The following LRIG1 variants were observed in gnomAD, a reference collection of about 807,000 sequenced individuals.
The protein encoded by LRIG1 is leucine rich repeats and immunoglobulin like domains 1.
In LRIG1, 48 loss-of-function variants were observed where a neutral mutation model predicts 99.2. That is an observed-to-expected ratio of 0.48 (90% CI 0.38 to 0.62). LRIG1 has a LOEUF of 0.62. LRIG1 is among the 20% of genes least tolerant of loss of function. The pLI is 0.00. For synonymous variants in LRIG1, 772 were observed against 596.1 expected, an observed-to-expected ratio of 1.29 and a Z score of -4.30; for missense variants, 1,646 against 1,434.4, an observed-to-expected ratio of 1.15 and a Z score of -2.38.
chr3:66,450,345 G>A (rs1013265255), intron 3 of LRIG1, among the ~76,000 whole-genome samples: 2 of 152,068 alleles, frequency 1.3e-5, no homozygotes, highest in East Asian at 1.9e-4. Context: ...AGAATGCTGG[G>A]AGCTTCATAT....
chr3:66,493,086 C>T (rs941216202), intron 1 of LRIG1, among the ~76,000 whole-genome samples: 1 of 152,184 alleles, frequency 6.6e-6, no homozygotes, highest in Admixed American at 6.5e-5. Context: ...TCCCTCCTCC[C>T]TCCTCCCTCA....
At chr3:66,406,737 C>T (rs565810662) in intron 8 of LRIG1, among the ~76,000 whole-genome samples, 87 of 152,102 alleles carry the variant, frequency 5.7e-4, no homozygotes, top group Admixed American at 1.1e-3. Flanking sequence ...TTTTGCCAAC[C>T]CCATCTAATT....
intron 1 of LRIG1, among the ~76,000 whole-genome samples, chr3:66,489,125 T>C (rs544719654): frequency 6.6e-6 from 1 of 152,322 alleles, no homozygotes; most frequent in African/African-American, 2.4e-5. Context: ...TCCTCCTCAA[T>C]AATATCTCAA....
intron 6 of LRIG1, among the ~76,000 whole-genome samples, chr3:66,411,083 G>A (rs963391118): frequency 6.6e-6 from 1 of 152,190 alleles, no homozygotes; most frequent in African/African-American, 2.4e-5. Context: ...AAGGAAACAA[G>A]GGTACATCAG....
chr3:66,480,000 C>G (rs576974976), intron 1 of LRIG1, among the ~76,000 whole-genome samples: 1 of 152,198 alleles, frequency 6.6e-6, no homozygotes, highest in South Asian at 2.1e-4. Flanking sequence ...ACCACAAAAA[C>G]TTACGCACAA....
chr3:66,429,894 A>G (rs1703107032), intron 3 of LRIG1, among the ~76,000 whole-genome samples: 1 of 151,568 alleles, frequency 6.6e-6, no homozygotes, highest in Non-Finnish European at 1.5e-5. Flanking sequence ...AACTGCTATA[A>G]AAGTCCATTA....
intron 9 of LRIG1, chr3:66,401,580 C>G (rs1002217519): frequency 3.5e-6 from 5 of 1,437,178 alleles, no homozygotes; most frequent in Admixed American, 5.2e-5. Context: ...GGCTAATCAT[C>G]TTGTTGGTAG....
In LRIG1 at chr3:66,382,335, C is replaced by T. The variant is rs148076317; in HGVS notation, c.2555G>A (p.Arg852Gln). ...YLSSQGTLSD[R>Q]QETVVRTEGG... is the part of the protein sequence containing the mutation. ...CTCGGTCCTGACCACGGTTTCTTGTCGGTCAGAAAGGGTCCCCTGAGAAGA... is the reference window on the plus strand; with the variant it reads ...CTCGGTCCTGACCACGGTTTCTTGTTGGTCAGAAAGGGTCCCCTGAGAAGA... Residue 852 changes from arginine (R) to glutamine (Q), a missense_variant, in exon 16 of 19, where the codon CGA becomes CAA. Arg to Gln is a conservative substitution (Grantham distance 43). Transcript: ENST00000273261. The T allele has an allele frequency of 4.9e-4, 791 of 1,614,172 alleles. No individual in the cohort carries two copies. Among genetic ancestry groups the T allele is most frequent in the Non-Finnish European group, 6.3e-4 (745 of 1,180,006 alleles).
intron 3 of LRIG1, among the ~76,000 whole-genome samples, chr3:66,445,115 T>G (rs1703672064): frequency 6.6e-6 from 1 of 152,064 alleles, no homozygotes; most frequent in South Asian, 2.1e-4. Flanking sequence ...AAAACAGCTT[T>G]GCTCACATTT....
chr3:66,397,111 G>C (rs1349767916), intron 11 of LRIG1, among the ~76,000 whole-genome samples: 2 of 152,204 alleles, frequency 1.3e-5, no homozygotes, highest in Admixed American at 1.3e-4. Flanking sequence ...TTGCAAGGAC[G>C]GTATCTATTC....
intron 5 of LRIG1, 94 bp from the exon 6 acceptor site, chr3:66,413,108 A>AGTTG: frequency 1.4e-6 from 2 of 1,440,484 alleles, no homozygotes; most frequent in Middle Eastern, 3.5e-4. Context: ...TCCAAGCCAG[A>AGTTG]GGAGAAATCC....
intron 2 of LRIG1, among the ~76,000 whole-genome samples, chr3:66,453,672 TAGA>T (rs1200403599): frequency 2.0e-5 from 3 of 152,170 alleles, no homozygotes; most frequent in African/African-American, 7.2e-5. Flanking sequence ...GTCATGCTAC[TAGA>T]GAGGACATGG....
rs764123511 is a variant in LRIG1 at position 66,500,374 on chromosome 3, G to T, written c.34C>A (p.Pro12Thr). 9 of 1,478,266 alleles carry T rather than the reference G, an allele frequency of 6.1e-6. No homozygotes were observed. Among genetic ancestry groups the T allele is most frequent in the Non-Finnish European group, 8.0e-6 (9 of 1,120,320 alleles). The allele number at this position is 1,478,266 out of a possible 1,614,324, so 91.6% of individuals were successfully genotyped here. The change falls in exon 1 of 19, where the codon CCG becomes ACG. Residue 12 changes from proline (P) to threonine (T), a missense_variant. Coordinates refer to ENST00000273261, the MANE Select transcript of LRIG1 (RefSeq NM_015541.3). ...ARPVRGGLGA[P>T]RRSPCLLLLW... ...AGGAGAAGGCAAGGCGAGCGGCGCGGGGCCCCGAGCCCTCCCCGGACCGGC... is the reference window on the plus strand; with the variant it reads ...AGGAGAAGGCAAGGCGAGCGGCGCGTGGCCCCGAGCCCTCCCCGGACCGGC...
chr3:66,435,072 C>T (rs202112127), intron 3 of LRIG1, among the ~76,000 whole-genome samples: 11 of 151,662 alleles, frequency 7.3e-5, no homozygotes, highest in South Asian at 2.1e-4. Flanking sequence ...GGTTAAAGTA[C>T]GGCACATCCA....
chr3:66,400,646 G>C (rs1044360652), intron 9 of LRIG1, among the ~76,000 whole-genome samples: 2 of 152,158 alleles, frequency 1.3e-5, no homozygotes, highest in Non-Finnish European at 2.9e-5. Context: ...GAAGAGACCG[G>C]ACTAGAAGCC....
intron 3 of LRIG1, among the ~76,000 whole-genome samples, chr3:66,438,313 A>G (rs1224508645): frequency 4.6e-5 from 7 of 152,328 alleles, no homozygotes; most frequent in Non-Finnish European, 8.8e-5. Flanking sequence ...CTGGGGCCCC[A>G]GAACTACAGG....
intron 3 of LRIG1, among the ~76,000 whole-genome samples, chr3:66,420,678 T>C (rs555638209): frequency 3.5e-4 from 53 of 152,376 alleles, no homozygotes; most frequent in Middle Eastern, 3.4e-3. Flanking sequence ...AAGTGAAAGA[T>C]GCCTGTCACA....
intron 1 of LRIG1, among the ~76,000 whole-genome samples, chr3:66,498,908 A>G (rs1046949159): frequency 8.5e-5 from 13 of 152,240 alleles, no homozygotes; most frequent in Admixed American, 1.3e-4. Flanking sequence ...CACGGTAGTC[A>G]GAACACAGGC....
chr3:66,425,943 G>C (rs1196672728), intron 3 of LRIG1, among the ~76,000 whole-genome samples: 2 of 152,206 alleles, frequency 1.3e-5, no homozygotes, highest in Non-Finnish European at 2.9e-5. Context: ...GAAACAGATG[G>C]AGGCATTTGA....
Sources: allele counts gnomAD v4.1 joint callset (sites outside exome capture counted in the v4.1 genomes callset), GRCh38; gene constraint gnomAD v4.1.1; transcripts MANE v1.5; gene names NCBI Gene and HGNC (gene_info 2026-07-23, HGNC 2026-07-21).